The following SRGAP1 variants were observed in gnomAD, a reference collection of about 807,000 sequenced individuals.
The protein encoded by SRGAP1 is SLIT-ROBO Rho GTPase-activating protein 1.
Under a neutral mutation model 121.9 loss-of-function variants are expected in SRGAP1, and 43 were observed. The observed-to-expected ratio is 0.35, with a 90% CI of 0.28 to 0.46. The LOEUF is 0.46. Ranked by LOEUF, SRGAP1 falls within the 20% of genes least tolerant of loss-of-function variation. The pLI, the probability that SRGAP1 is intolerant of heterozygous loss-of-function variation, is 1.00. For missense variants in SRGAP1, 1,102 were observed against 1,350.9 expected, an observed-to-expected ratio of 0.82 and a Z score of 2.89; for synonymous variants, 447 against 485.4, an observed-to-expected ratio of 0.92 and a Z score of 1.04.
At chr12:63,930,144 T>A (rs987115586) in intron 1 of SRGAP1, among the ~76,000 whole-genome samples, 1 of 152,080 alleles carries the variant, frequency 6.6e-6, no homozygotes, top group African/African-American at 2.4e-5. Context: ...ATTACTGATG[T>A]TTGCTTCATT....
chr12:63,919,461 T>C (rs2030943194), intron 1 of SRGAP1, among the ~76,000 whole-genome samples: 1 of 151,268 alleles, frequency 6.6e-6, no homozygotes, highest in Admixed American at 6.6e-5. Context: ...TAAGCCACTG[T>C]GCCTGGCCAA....
chr12:63,903,007 T>G (rs1441863142), intron 1 of SRGAP1, among the ~76,000 whole-genome samples: 1 of 152,218 alleles, frequency 6.6e-6, no homozygotes, highest in African/African-American at 2.4e-5. Flanking sequence ...GAACAATTTT[T>G]ACAAAGTTGG....
intron 8 of SRGAP1, among the ~76,000 whole-genome samples, chr12:64,077,352 C>T (rs921661730): frequency 6.6e-6 from 1 of 151,796 alleles, no homozygotes; most frequent in Non-Finnish European, 1.5e-5. Flanking sequence ...CTAAAAAGAA[C>T]TTCTAAAGGG....
intron 1 of SRGAP1, among the ~76,000 whole-genome samples, chr12:63,912,543 G>A (rs2030549465): frequency 1.3e-5 from 2 of 152,150 alleles, no homozygotes; most frequent in South Asian, 4.1e-4. Context: ...GAGCCCAGAA[G>A]TTTGAGGCTG....
chr12:63,948,819 GTTTTCCATATATATATTCCATATATATA>G (rs1565963818), intron 1 of SRGAP1, among the ~76,000 whole-genome samples: 36 of 112,794 alleles, frequency 3.2e-4, no homozygotes, highest in South Asian at 8.6e-4. Flanking sequence ...CCATATATAT[GTTTTCCATATATATATTCCATATATATA>G]TTTTCCATAT....
At chr12:64,078,838 C>T (rs563223818) in intron 8 of SRGAP1, 81 bp from the exon 9 acceptor site, 47 of 1,466,688 alleles carry the variant, frequency 3.2e-5, no homozygotes, top group Non-Finnish European at 4.3e-5. Context: ...GTCCTCATCT[C>T]TACCTGACAG....
chr12:63,924,328 A>C (rs1385348943), intron 1 of SRGAP1, among the ~76,000 whole-genome samples: 1 of 152,156 alleles, frequency 6.6e-6, no homozygotes, highest in Non-Finnish European at 1.5e-5. Flanking sequence ...GTTGTAGATG[A>C]GTTGGGTTTC....
intron 6 of SRGAP1, among the ~76,000 whole-genome samples, chr12:64,047,610 T>C (rs1254691851): frequency 6.6e-6 from 1 of 152,160 alleles, no homozygotes; most frequent in African/African-American, 2.4e-5. Context: ...GTCAGAGAAT[T>C]AAAGTTGAGA....
chr12:63,878,224 CTT>C, intron 1 of SRGAP1, among the ~76,000 whole-genome samples: 1 of 152,258 alleles, frequency 6.6e-6, no homozygotes, highest in African/African-American at 2.4e-5. Flanking sequence ...AGTCAGCAAA[CTT>C]TTTCTGTGAA....
chr12:64,029,295 G>A (rs1016489887), intron 4 of SRGAP1, among the ~76,000 whole-genome samples: 6 of 152,220 alleles, frequency 3.9e-5, no homozygotes, highest in African/African-American at 1.4e-4. Context: ...AGTACTAAAA[G>A]CATTGTTGCT....
At position 64,155,416 on chromosome 12, in the gene SRGAP1, C is replaced by G. The variant is rs1483636534; in HGVS notation, c.*12744C>G. 1.3e-5 allele frequency: 2 copies of G among 151,538 alleles called. No individual in the cohort carries two copies. Among genetic ancestry groups the G allele is most frequent in the African/African-American group, 4.8e-5 (2 of 41,298 alleles). The allele number at this position is 151,538 out of a possible 1,614,324, so 9.4% of individuals were successfully genotyped here. A position where few individuals can be genotyped will look rare whatever the true frequency, so the allele number is the denominator to read the frequency against. ...AAAATTAGCCGGGTGTGGTGGCGCC[C>G]GCCTATAGTCCCAGCTGTTCGGGAG... On this transcript the variant is annotated 3_prime_UTR_variant, in exon 22 of 22. Transcript: ENST00000355086.
chr12:63,883,982 C>A (rs1043400035), intron 1 of SRGAP1, among the ~76,000 whole-genome samples: 1 of 149,406 alleles, frequency 6.7e-6, no homozygotes. Flanking sequence ...TCAATGCATG[C>A]AATAAGGTGT....
chr12:64,065,671 A>G (rs941759253), intron 8 of SRGAP1, among the ~76,000 whole-genome samples: 1 of 152,168 alleles, frequency 6.6e-6, no homozygotes, highest in Non-Finnish European at 1.5e-5. Context: ...TGGCCTCCCA[A>G]AGTGCTGGGA....
intron 1 of SRGAP1, among the ~76,000 whole-genome samples, chr12:63,922,915 C>T (rs1270931587): frequency 6.6e-6 from 1 of 152,214 alleles, no homozygotes; most frequent in East Asian, 1.9e-4. Flanking sequence ...GACAAATCCA[C>T]CCCAAGACTT....
chr12:63,971,766 G>A (rs1435311320), intron 1 of SRGAP1, among the ~76,000 whole-genome samples: 1 of 149,688 alleles, frequency 6.7e-6, no homozygotes, highest in Admixed American at 6.6e-5. Context: ...GTGTGTGGGT[G>A]TGTGTGTGTG....
chr12:63,934,683 A>G (rs1197181733), intron 1 of SRGAP1, among the ~76,000 whole-genome samples: 2 of 152,096 alleles, frequency 1.3e-5, no homozygotes, highest in East Asian at 1.9e-4. Flanking sequence ...ATAAATATCC[A>G]TAGACTGATG....
At chr12:63,983,841 TATATATATATATA>T (rs2033338984) in intron 1 of SRGAP1, 93 bp from the exon 2 acceptor site, 1 of 106,674 alleles carries the variant, frequency 9.4e-6, no homozygotes, top group Non-Finnish European at 1.8e-5. Flanking sequence ...TATATATATA[TATATATATATATA>T]TTTATATATA....
chr12:64,013,171 T>A (rs2034300883), intron 3 of SRGAP1, among the ~76,000 whole-genome samples: 1 of 152,240 alleles, frequency 6.6e-6, no homozygotes, highest in South Asian at 2.1e-4. Flanking sequence ...ATTGCTTCTT[T>A]GGGAGTCCAG....
chr12:63,845,011 A>T, intron 1 of SRGAP1, 128 bp downstream of exon 1: 2 of 903,108 alleles, frequency 2.2e-6, no homozygotes, highest in South Asian at 2.8e-5. Flanking sequence ...GCCCTGTCTG[A>T]GCCACCTGGG....
Sources: gnomAD v4.1 joint callset for allele counts (sites outside exome capture counted in the v4.1 genomes callset) on GRCh38, gnomAD v4.1.1 for gene constraint, MANE v1.5 for transcripts, NCBI Gene and HGNC (gene_info 2026-07-23, HGNC 2026-07-21) for gene names.